The following AIDA variants were observed in gnomAD, a reference collection of about 807,000 sequenced individuals.
AIDA encodes the protein axin interactor, dorsalization-associated protein.
In AIDA, 18 loss-of-function variants were observed where a neutral mutation model predicts 42.7. The ratio of observed to expected loss-of-function variants is 0.42; its 90% confidence interval spans 0.29 to 0.63. The LOEUF is 0.63. AIDA is among the 20% of genes least tolerant of loss of function. AIDA has a pLI of 0.19. For missense variants in AIDA, 250 were observed against 354.1 expected, an observed-to-expected ratio of 0.71 and a Z score of 2.36; for synonymous variants, 104 against 122.9, an observed-to-expected ratio of 0.85 and a Z score of 1.02.
chr1:222,709,831 T>C (rs547991852), intron 1 of AIDA, among the ~76,000 whole-genome samples: 217 of 152,310 alleles, frequency 1.4e-3, no homozygotes, highest in Middle Eastern at 0.01. Context: ...AGGGCAGAAA[T>C]CAAATTTTAT....
chr1:222,710,841 T>C (rs1041180994), intron 1 of AIDA, among the ~76,000 whole-genome samples: 6 of 152,222 alleles, frequency 3.9e-5, no homozygotes, highest in African/African-American at 1.4e-4. Context: ...ACTGGGTTAT[T>C]GCAAGAGCAA....
chr1:222,703,266 G>A (rs1168970782), intron 1 of AIDA, 49 bp from the exon 2 acceptor site: 3 of 1,361,254 alleles, frequency 2.2e-6, no homozygotes, highest in Admixed American at 2.1e-5. Flanking sequence ...GCAAACTACT[G>A]CAACAAAGTG....
At chr1:222,685,916 A>T (rs556117761) in intron 6 of AIDA, among the ~76,000 whole-genome samples, 5 of 152,294 alleles carry the variant, frequency 3.3e-5, no homozygotes, top group African/African-American at 1.2e-4. Flanking sequence ...ACCCAGCACT[A>T]TGAGAGGCTG....
chr1:222,689,520 TAC>T (rs1553294405), intron 4 of AIDA, among the ~76,000 whole-genome samples: 2,217 of 57,910 alleles, frequency 0.038, 73 homozygotes, highest in African/African-American at 0.077. Flanking sequence ...TATATATATA[TAC>T]ACACATACAC....
chr1:222,677,217 C>T (rs1455356897), intron 6 of AIDA, among the ~76,000 whole-genome samples: 2 of 151,956 alleles, frequency 1.3e-5, no homozygotes, highest in Non-Finnish European at 2.9e-5. Context: ...GAGAGAGGAT[C>T]GATTTTTTAA....
intron 2 of AIDA, among the ~76,000 whole-genome samples, chr1:222,695,990 TACA>T (rs1373080776): frequency 5.3e-5 from 8 of 152,312 alleles, no homozygotes; most frequent in Non-Finnish European, 1.0e-4. Flanking sequence ...TAAACGGCGA[TACA>T]ACAACTCACA....
At chr1:222,672,313 C>T (rs1664463892) in intron 8 of AIDA, among the ~76,000 whole-genome samples, 1 of 152,086 alleles carries the variant, frequency 6.6e-6, no homozygotes, top group African/African-American at 2.4e-5. Context: ...TTTCCTAAGG[C>T]AATGGAGTTA....
chr1:222,709,150 T>TA (rs1655923950), intron 1 of AIDA, among the ~76,000 whole-genome samples: 1 of 152,144 alleles, frequency 6.6e-6, no homozygotes, highest in South Asian at 2.1e-4. Context: ...TTTTCAACTG[T>TA]AGCCGGGCAC....
intron 1 of AIDA, among the ~76,000 whole-genome samples, chr1:222,705,548 T>C (rs1487043630): frequency 6.6e-6 from 1 of 152,036 alleles, no homozygotes; most frequent in Non-Finnish European, 1.5e-5. Context: ...TAATTGGCAA[T>C]AGGGAAAGGA....
chr1:222,701,770 C>T (rs945009339), intron 2 of AIDA, among the ~76,000 whole-genome samples: 1 of 152,160 alleles, frequency 6.6e-6, no homozygotes, highest in Non-Finnish European at 1.5e-5. Context: ...GTCGCGCAGG[C>T]TGGAGTGCAG....
chr1:222,702,867 C>A (rs764143567), intron 2 of AIDA, among the ~76,000 whole-genome samples: 18 of 152,214 alleles, frequency 1.2e-4, no homozygotes, highest in Non-Finnish European at 2.5e-4. Context: ...GGTTCTCCCC[C>A]TCTTCAGCGA....
At chr1:222,701,953 A>G (rs1361574462) in intron 2 of AIDA, among the ~76,000 whole-genome samples, 1 of 151,654 alleles carries the variant, frequency 6.6e-6, no homozygotes, top group African/African-American at 2.4e-5. Context: ...CGAACTCCTG[A>G]CCTCAAGTGA....
chr1:222,695,102 C>T (rs899660274), intron 2 of AIDA, among the ~76,000 whole-genome samples: 5 of 152,156 alleles, frequency 3.3e-5, no homozygotes, highest in Non-Finnish European at 7.4e-5. Flanking sequence ...CCTTCAATAA[C>T]CAGCTGAGGA....
At chr1:222,673,280 A>C (rs371361715) in intron 8 of AIDA, 33 bp downstream of exon 8, 1 of 1,575,854 alleles carries the variant, frequency 6.3e-7, no homozygotes, top group African/African-American at 1.4e-5. Flanking sequence ...AATTCTGTCC[A>C]TAAGAAGCCA....
chr1:222,699,775 C>CTTTTTTTTTT (rs777454792), intron 2 of AIDA, among the ~76,000 whole-genome samples: 1 of 143,414 alleles, frequency 7.0e-6, no homozygotes, highest in Admixed American at 7.0e-5. Context: ...GAAAATTAAA[C>CTTTTTTTTTT]TTTTTTTTTT....
intron 4 of AIDA, among the ~76,000 whole-genome samples, chr1:222,690,633 C>T (rs1012739712): frequency 4.6e-5 from 7 of 151,948 alleles, no homozygotes; most frequent in Non-Finnish European, 1.0e-4. Flanking sequence ...TGACTTACTC[C>T]AACATTCCTT....
chr1:222,695,583 T>C (rs1314303720), intron 2 of AIDA, among the ~76,000 whole-genome samples: 1 of 152,172 alleles, frequency 6.6e-6, no homozygotes, highest in South Asian at 2.1e-4. Context: ...GTTATTTCAA[T>C]TGTCCAGGTA....
At chr1:222,678,917 A>G (rs185578738) in intron 6 of AIDA, among the ~76,000 whole-genome samples, 2 of 152,246 alleles carry the variant, frequency 1.3e-5, no homozygotes, top group African/African-American at 4.8e-5. Context: ...AACCATGATG[A>G]TGTACTTTTT....
chr1:222,679,402 C>A (rs1664613825), intron 6 of AIDA, among the ~76,000 whole-genome samples: 1 of 152,136 alleles, frequency 6.6e-6, no homozygotes, highest in South Asian at 2.1e-4. Flanking sequence ...CTGCGTGTTT[C>A]CAGCTAGATC....
Sources: allele counts gnomAD v4.1 joint callset (sites outside exome capture counted in the v4.1 genomes callset), GRCh38; gene constraint gnomAD v4.1.1; transcripts MANE v1.5; gene names NCBI Gene and HGNC (gene_info 2026-07-23, HGNC 2026-07-21).